Variants in GRID2 observed in about 807,000 individuals in gnomAD.
The protein encoded by GRID2 is glutamate ionotropic receptor delta type subunit 2.
GRID2 carries 33 observed loss-of-function variants against 114.8 expected under a neutral mutation model. That is an observed-to-expected ratio of 0.29 (90% CI 0.22 to 0.38). GRID2 has a LOEUF of 0.38. Ranked by LOEUF, GRID2 falls within the 10% of genes least tolerant of loss-of-function variation. The pLI is 1.00. For synonymous variants in GRID2, 505 were observed against 449.9 expected (o/e 1.12, Z -1.55); for missense variants, 1,184 against 1,257.7 (o/e 0.94, Z 0.89).
intron 3 of GRID2, among the ~76,000 whole-genome samples, chr4:93,093,878 ATT>A (rs769805529): frequency 6.6e-6 from 1 of 152,042 alleles, no homozygotes; most frequent in Non-Finnish European, 1.5e-5. Context: ...CCAGAGACCT[ATT>A]GTACAGCAAT....
At chr4:93,011,910 T>G (rs1299546359) in intron 2 of GRID2, among the ~76,000 whole-genome samples, 1 of 152,004 alleles carries the variant, frequency 6.6e-6, no homozygotes, top group Non-Finnish European at 1.5e-5. Flanking sequence ...AGCTTCGGTT[T>G]TATAATGTAC....
chr4:93,667,346 T>C lies in GRID2; in HGVS notation c.2360+40911T>C, dbSNP rs1235707923. ...TAGGTAGAAGAATCCTCTAACCAAG[T>C]ACATCCAGGTATCCAATATATCTGT... is the stretch of plus-strand genomic sequence containing the variant. On this transcript the variant is annotated intron_variant, in intron 14 of 15. Coordinates refer to ENST00000282020, the MANE Select transcript of GRID2 (RefSeq NM_001510.4). 2.0e-5 allele frequency among the ~76,000 whole-genome samples: 3 copies of C among 151,764 alleles called. No homozygotes were observed. In the East Asian group the frequency reaches 5.8e-4, roughly 29 times the overall value.
At chr4:93,713,103 A>T (rs1728625046) in intron 14 of GRID2, among the ~76,000 whole-genome samples, 1 of 152,188 alleles carries the variant, frequency 6.6e-6, no homozygotes, top group Admixed American at 6.5e-5. Context: ...AACTTATTAA[A>T]ATTTGGGAAA....
At chr4:93,535,542 A>T (rs1464999909) in intron 13 of GRID2, among the ~76,000 whole-genome samples, 1 of 151,964 alleles carries the variant, frequency 6.6e-6, no homozygotes, top group Non-Finnish European at 1.5e-5. Context: ...TTTTTTCTCC[A>T]CATACTCACC....
At chr4:92,507,000 C>T (rs1176963568) in intron 1 of GRID2, among the ~76,000 whole-genome samples, 1 of 151,840 alleles carries the variant, frequency 6.6e-6, no homozygotes, top group Non-Finnish European at 1.5e-5. Context: ...AGCATCCCTG[C>T]CTCCTGCTCA....
chr4:93,555,075 C>T (rs1251739642), intron 13 of GRID2, among the ~76,000 whole-genome samples: 1 of 152,142 alleles, frequency 6.6e-6, no homozygotes, highest in Non-Finnish European at 1.5e-5. Context: ...TGCACTGTGG[C>T]CCAGATACTA....
At chr4:93,592,636 T>G (rs1304463746) in intron 13 of GRID2, among the ~76,000 whole-genome samples, 1 of 152,180 alleles carries the variant, frequency 6.6e-6, no homozygotes, top group Non-Finnish European at 1.5e-5. Flanking sequence ...CTCGTTGATC[T>G]GTCTAATGTT....
chr4:92,399,535 T>C (rs1730675850), intron 1 of GRID2, among the ~76,000 whole-genome samples: 1 of 152,184 alleles, frequency 6.6e-6, no homozygotes. Context: ...ATATTATTTT[T>C]GTGATCTCTT....
chr4:93,677,985 A>G (rs1385175502), intron 14 of GRID2, among the ~76,000 whole-genome samples: 1 of 151,856 alleles, frequency 6.6e-6, no homozygotes, highest in Admixed American at 6.6e-5. Flanking sequence ...ACTCCGAGCT[A>G]CAGGAGGAAA....
At chr4:93,169,881 C>T (rs1002283398) in intron 4 of GRID2, among the ~76,000 whole-genome samples, 3 of 152,152 alleles carry the variant, frequency 2.0e-5, no homozygotes, top group East Asian at 1.9e-4. Flanking sequence ...TAAAAATTCT[C>T]ACTGAAGGAA....
chr4:92,545,707 C>T (rs1260996165), intron 1 of GRID2, among the ~76,000 whole-genome samples: 2 of 152,090 alleles, frequency 1.3e-5, no homozygotes, highest in African/African-American at 4.8e-5. Context: ...CAATATGGTG[C>T]TTTATTTTCC....
intron 12 of GRID2, among the ~76,000 whole-genome samples, chr4:93,504,382 G>C (rs1230793673): frequency 1.3e-5 from 2 of 151,956 alleles, no homozygotes; most frequent in Non-Finnish European, 2.9e-5. Context: ...CATTGGTCTT[G>C]ATTCTAATTA....
chr4:93,164,712 T>C, intron 4 of GRID2: 1 of 438,006 alleles, frequency 2.3e-6, no homozygotes, highest in South Asian at 1.6e-5. Context: ...ATATGCTTAA[T>C]TTTTTTCCTT....
At position 92,961,537 on chromosome 4, in the gene GRID2, A is replaced by G. The variant is rs532374975; in HGVS notation, c.245-123458A>G. ...GCTTTCATAGTTTCTGATAAGTCAG[A>G]TATAATTTTATCTTAGTGAGTGCTT... On this transcript the variant is annotated intron_variant, in intron 2 of 15. Coordinates refer to ENST00000282020, the MANE Select transcript of GRID2 (RefSeq NM_001510.4). Among the ~76,000 whole-genome samples, 183 of 151,728 alleles carry G rather than the reference A, an allele frequency of 1.2e-3. 1 individual carries two copies. Among genetic ancestry groups the G allele is most frequent in the African/African-American group, 4.1e-3 (169 of 41,486 alleles).
chr4:93,648,562 G>A lies in GRID2; in HGVS notation c.2360+22127G>A, dbSNP rs150043215. ...ATAAACAGCTGCTATAGACCGCTTC[G>A]GCTCATCCTGTGTTTCCTCACTCTA... On this transcript the variant is annotated intron_variant, in intron 14 of 15. Transcript: ENST00000282020. Among the ~76,000 whole-genome samples, 819 of 152,242 alleles carry A rather than the reference G, an allele frequency of 5.4e-3. 1 individual carries two copies. The highest frequency in any genetic ancestry group is 8.6e-3 in the Non-Finnish European group (582 of 68,004).
intron 2 of GRID2, among the ~76,000 whole-genome samples, chr4:92,687,762 G>A (rs1280550041): frequency 1.3e-5 from 2 of 151,958 alleles, no homozygotes; most frequent in East Asian, 2.0e-4. Flanking sequence ...CCAGGAGGCG[G>A]AGCTTGCAGT....
At chr4:93,032,724 A>C (rs1394606471) in intron 2 of GRID2, among the ~76,000 whole-genome samples, 1 of 152,200 alleles carries the variant, frequency 6.6e-6, no homozygotes, top group Non-Finnish European at 1.5e-5. Context: ...CTAAAGAAGA[A>C]AACAATTATC....
At chr4:93,779,217 T>TC (rs1734431551), downstream of GRID2, among the ~76,000 whole-genome samples, 4 of 151,912 alleles carry the variant, frequency 2.6e-5, 1 homozygote, top group South Asian at 8.3e-4. Context: ...CCTTTTTTTT[T>TC]TTTTAATGAG....
At chr4:93,458,425 C>T (rs57679796) in intron 11 of GRID2, among the ~76,000 whole-genome samples, 1 of 152,068 alleles carries the variant, frequency 6.6e-6, no homozygotes, top group Non-Finnish European at 1.5e-5. Context: ...GGCTAGTGGC[C>T]TCAGCTTTTT....
Sources: gnomAD v4.1 joint callset for allele counts (sites outside exome capture counted in the v4.1 genomes callset) on GRCh38, gnomAD v4.1.1 for gene constraint, MANE v1.5 for transcripts, NCBI Gene and HGNC (gene_info 2026-07-23, HGNC 2026-07-21) for gene names.